CBFB: variants seen among roughly 807,000 people sequenced by gnomAD.
CBFB encodes CBF-beta.
A neutral mutation model predicts 30.4 loss-of-function variants in CBFB; 9 were observed. That is an observed-to-expected ratio of 0.30 (90% CI 0.18 to 0.52). The LOEUF is 0.52. Ranked by LOEUF, CBFB falls within the 20% of genes least tolerant of loss-of-function variation. The pLI is 0.97. For synonymous variants in CBFB, 94 were observed against 84.0 expected (o/e 1.12, Z -0.65); for missense variants, 170 against 244.0 (o/e 0.70, Z 2.02).
intron 3 of CBFB, among the ~76,000 whole-genome samples, chr16:67,063,660 C>G (rs146692508): frequency 0.036 from 5,528 of 152,166 alleles, 145 homozygotes; most frequent in South Asian, 0.077. Flanking sequence ...CCCAGCTGAT[C>G]TTGAACTCAT....
chr16:67,072,120 C>T (rs1203358123), intron 4 of CBFB, among the ~76,000 whole-genome samples: 1 of 152,032 alleles, frequency 6.6e-6, no homozygotes. Flanking sequence ...TGAGAGTGAC[C>T]ATATTACTTA....
intron 4 of CBFB, among the ~76,000 whole-genome samples, chr16:67,071,766 G>C (rs933597127): frequency 6.6e-6 from 1 of 152,164 alleles, no homozygotes; most frequent in African/African-American, 2.4e-5. Context: ...AGTATCTAGC[G>C]TGCAGTACAG....
chr16:67,097,051 A>C (rs1405379638), intron 5 of CBFB, among the ~76,000 whole-genome samples: 1 of 151,844 alleles, frequency 6.6e-6, no homozygotes, highest in African/African-American at 2.4e-5. Flanking sequence ...CCCTGGCAAC[A>C]TGGTGAAACC....
At chr16:67,037,204 T>G (rs1013760947) in intron 3 of CBFB, among the ~76,000 whole-genome samples, 2 of 152,200 alleles carry the variant, frequency 1.3e-5, no homozygotes, top group Non-Finnish European at 2.9e-5. Context: ...GCCAATATAA[T>G]TTTTTAAAAC....
chr16:67,090,790 A>G (rs549727430), intron 5 of CBFB, among the ~76,000 whole-genome samples: 1 of 152,346 alleles, frequency 6.6e-6, no homozygotes, highest in South Asian at 2.1e-4. Flanking sequence ...TTATCCTACT[A>G]TGAGCAATTT....
chr16:67,038,520 C>G (rs577275660), intron 3 of CBFB, among the ~76,000 whole-genome samples: 5 of 152,044 alleles, frequency 3.3e-5, no homozygotes, highest in Admixed American at 3.3e-4. Flanking sequence ...AAAATGAGTA[C>G]TAAGCAAGCA....
At chr16:67,049,587 C>A (rs1966703199) in intron 3 of CBFB, among the ~76,000 whole-genome samples, 1 of 152,128 alleles carries the variant, frequency 6.6e-6, no homozygotes, top group African/African-American at 2.4e-5. Context: ...TTCAACCTCC[C>A]AGGCTCAAGC....
At chr16:67,090,047 T>G (rs1485480979) in intron 5 of CBFB, among the ~76,000 whole-genome samples, 2 of 152,196 alleles carry the variant, frequency 1.3e-5, no homozygotes, top group Non-Finnish European at 2.9e-5. Flanking sequence ...GTGTTTTTTG[T>G]TTGGTTGGTT....
chr16:67,072,728 A>G (rs897461179), intron 4 of CBFB, among the ~76,000 whole-genome samples: 6 of 149,232 alleles, frequency 4.0e-5, no homozygotes, highest in Non-Finnish European at 1.5e-5. Context: ...AGCCTCCCAA[A>G]GTGCTGGGAT....
intron 5 of CBFB, among the ~76,000 whole-genome samples, chr16:67,089,203 C>T (rs931053974): frequency 1.3e-5 from 2 of 152,104 alleles, no homozygotes; most frequent in African/African-American, 4.8e-5. Context: ...ACCAAATACT[C>T]TTGTCATTGA....
chr16:67,075,225 G>A (rs1185790060), intron 4 of CBFB, among the ~76,000 whole-genome samples: 2 of 148,590 alleles, frequency 1.3e-5, no homozygotes, highest in Admixed American at 1.3e-4. Flanking sequence ...GTGTGTGTGT[G>A]TGTGTGTGTA....
intron 5 of CBFB, among the ~76,000 whole-genome samples, chr16:67,093,138 G>A (rs1961945912): frequency 6.6e-6 from 1 of 152,014 alleles, no homozygotes; most frequent in Non-Finnish European, 1.5e-5. Context: ...TGTAGGGGCA[G>A]GATCTCACTG....
chr16:67,061,996 C>G (rs539154423), intron 3 of CBFB, among the ~76,000 whole-genome samples: 1 of 152,172 alleles, frequency 6.6e-6, no homozygotes, highest in African/African-American at 2.4e-5. Flanking sequence ...CGCACCACTG[C>G]ACTCCAGCCT....
chr16:67,082,208 G>T lies in CBFB; in HGVS notation c.400-5G>T, dbSNP rs1178733130. ...TTAAAATAGGTATTTCATGTATTCT[G>T]ACAGCAGGAGGATGCATTAGCACAA... is the stretch of plus-strand genomic sequence containing the variant. On this transcript the variant is annotated splice_region_variant and splice_polypyrimidine_tract_variant and intron_variant, in intron 4 of 5. Transcript: ENST00000412916. 1 of 1,556,918 alleles carries T rather than the reference G, an allele frequency of 6.4e-7. No homozygotes were observed. Among genetic ancestry groups the T allele is most frequent in the South Asian group, 1.2e-5 (1 of 82,968 alleles).
intron 3 of CBFB, among the ~76,000 whole-genome samples, chr16:67,054,635 C>A (rs988952992): frequency 6.6e-6 from 1 of 152,106 alleles, no homozygotes; most frequent in Admixed American, 6.5e-5. Context: ...GATCCTGTTA[C>A]CTTATTTTCT....
At chr16:67,088,608 G>T (rs1432422867) in intron 5 of CBFB, among the ~76,000 whole-genome samples, 2 of 152,184 alleles carry the variant, frequency 1.3e-5, no homozygotes, top group Non-Finnish European at 2.9e-5. Flanking sequence ...ATTAAGAACC[G>T]TTTTGCCTGG....
chr16:67,077,936 T>C (rs1308619011), intron 4 of CBFB, among the ~76,000 whole-genome samples: 3 of 152,220 alleles, frequency 2.0e-5, no homozygotes, highest in Non-Finnish European at 4.4e-5. Context: ...CCTGGCTACG[T>C]TGTGCAGGTT....
intron 4 of CBFB, among the ~76,000 whole-genome samples, chr16:67,076,722 T>TA (rs1288014664): frequency 6.6e-6 from 1 of 152,106 alleles, no homozygotes; most frequent in East Asian, 1.9e-4. Flanking sequence ...GCTTGAAAAA[T>TA]ATGAAGATTT....
chr16:67,050,222 TCA>T (rs1018732864), intron 3 of CBFB, among the ~76,000 whole-genome samples: 8 of 147,800 alleles, frequency 5.4e-5, no homozygotes, highest in Admixed American at 2.7e-4. Context: ...AATTTATATA[TCA>T]CATATTTATA....
Sources: allele counts gnomAD v4.1 joint callset (sites outside exome capture counted in the v4.1 genomes callset), GRCh38; gene constraint gnomAD v4.1.1; transcripts MANE v1.5; gene names NCBI Gene and HGNC (gene_info 2026-07-23, HGNC 2026-07-21).